The following CTTNBP2 variants were observed in gnomAD, a reference collection of about 807,000 sequenced individuals.
CTTNBP2 encodes the protein cortactin binding protein 2, also known as cortactin-binding protein 2.
Under a neutral mutation model 156.9 loss-of-function variants are expected in CTTNBP2, and 108 were observed. The observed-to-expected ratio is 0.69, with a 90% confidence interval of 0.59 to 0.81. The LOEUF is 0.81. CTTNBP2 is among the 30% of genes least tolerant of loss of function. The pLI is 0.00. For missense variants in CTTNBP2, 1,924 were observed against 2,035.4 expected (o/e 0.95, Z 1.05); for synonymous variants, 767 against 751.8 (o/e 1.02, Z -0.33).
rs1563077977 is a variant in CTTNBP2 at position 117,864,800 on chromosome 7, T to TATATTCATATATATTCATTCTAC, written c.82-3485_82-3484insGTAGAATGAATATATATGAATAT. 4.5e-4 allele frequency among the ~76,000 whole-genome samples: 64 copies of TATATTCATATATATTCATTCTAC among 141,748 alleles called. 9 individuals carry two copies. The highest frequency in any genetic ancestry group is 1.7e-3 in the African/African-American group (63 of 37,694). The allele number at this position is 141,748 out of a possible 152,430, so 93.0% of individuals were successfully genotyped here. On this transcript the variant is annotated intron_variant, in intron 1 of 22. Transcript: ENST00000160373. ...TATATATTCATATATATTCATTCTA[T>TATATTCATATATATTCATTCTAC]ATTCATATATATTCATTCAATATAT...
At chr7:117,776,022 G>A (rs1247549207) in intron 8 of CTTNBP2, among the ~76,000 whole-genome samples, 1 of 152,142 alleles carries the variant, frequency 6.6e-6, no homozygotes, top group African/African-American at 2.4e-5. Flanking sequence ...CACGATAACA[G>A]GAAGTTACCC....
chr7:117,820,210 T>C (rs1434911804), intron 2 of CTTNBP2, among the ~76,000 whole-genome samples: 1 of 152,174 alleles, frequency 6.6e-6, no homozygotes, highest in African/African-American at 2.4e-5. Flanking sequence ...GTAGATACTA[T>C]TAAATTATCA....
intron 2 of CTTNBP2, among the ~76,000 whole-genome samples, chr7:117,817,369 T>A (rs138857420): frequency 0.024 from 2,443 of 102,272 alleles, 394 homozygotes; most frequent in African/African-American, 0.078. Flanking sequence ...AAAATATATA[T>A]ATATATATAT....
intron 2 of CTTNBP2, among the ~76,000 whole-genome samples, chr7:117,819,210 A>T (rs1002824637): frequency 1.3e-5 from 2 of 152,172 alleles, no homozygotes; most frequent in Admixed American, 1.3e-4. Context: ...CTCTTTTAAG[A>T]AGGAAGGGGG....
rs34880551 is a variant in CTTNBP2 at position 117,808,934 on chromosome 7, T to C, written c.414+1831A>G. ...AAATTATAACTCTTCGCATACACTA[T>C]AATCTACTAAAATATAATATTTTTT... On this transcript the variant is annotated intron_variant, in intron 3 of 22. Coordinates refer to ENST00000160373, the MANE Select transcript of CTTNBP2 (RefSeq NM_033427.3). 3.2e-4 allele frequency among the ~76,000 whole-genome samples: 48 copies of C among 152,306 alleles called. 1 individual carries two copies. The highest frequency in any genetic ancestry group is 1.1e-3 in the African/African-American group (44 of 41,560).
rs749417153 is a variant in CTTNBP2 at position 117,718,011 on chromosome 7, C to T, written c.4746+7G>A. 5 of 1,551,116 alleles carry T rather than the reference C, an allele frequency of 3.2e-6. No individual in the cohort carries two copies. Among genetic ancestry groups the T allele is most frequent in the East Asian group, 2.2e-5 (1 of 44,558 alleles). On this transcript the variant is annotated splice_region_variant and intron_variant, in intron 22 of 22. Coordinates refer to ENST00000160373, the MANE Select transcript of CTTNBP2 (RefSeq NM_033427.3). Reference sequence around the variant, plus strand: ...TTTGTTCACTTTGGGGAGAAAGGGACACTTACCTTTTGTGACACTGGCATT... The same window carrying T: ...TTTGTTCACTTTGGGGAGAAAGGGATACTTACCTTTTGTGACACTGGCATT...
intron 3 of CTTNBP2, among the ~76,000 whole-genome samples, chr7:117,800,797 G>A (rs1466081390): frequency 1.3e-5 from 2 of 152,108 alleles, no homozygotes; most frequent in East Asian, 3.8e-4. Flanking sequence ...ATATAGCTAT[G>A]TTTTGTGTAC....
chr7:117,843,846 A>C (rs1290356900), intron 2 of CTTNBP2, among the ~76,000 whole-genome samples: 3 of 152,346 alleles, frequency 2.0e-5, no homozygotes, highest in South Asian at 4.1e-4. Flanking sequence ...TGGCCCCCAA[A>C]GATGTCCACA....
chr7:117,793,946 A>C (rs1799175622), intron 3 of CTTNBP2, among the ~76,000 whole-genome samples: 1 of 152,132 alleles, frequency 6.6e-6, no homozygotes, highest in Non-Finnish European at 1.5e-5. Context: ...GTGGGAAATA[A>C]CAGTTGATAA....
rs1033663814 is a variant in CTTNBP2 at position 117,827,238 on chromosome 7, C to T, written c.190-16249G>A. Among the ~76,000 whole-genome samples, 7 of 152,296 alleles carry T rather than the reference C, an allele frequency of 4.6e-5. No homozygotes were observed. The South Asian group carries it at 1.4e-3, about 32-fold the overall frequency. On this transcript the variant is annotated intron_variant, in intron 2 of 22. Coordinates refer to ENST00000160373, the MANE Select transcript of CTTNBP2 (RefSeq NM_033427.3). ...GTTTGATATTGTCCAAAGAAGCAAT[C>T]ATCATGTTGTGGGAGATGAATATCA...
At position 117,719,781 on chromosome 7, in the gene CTTNBP2, A is replaced by T. The variant is rs939147250; in HGVS notation, c.4512-145T>A. 40 of 565,090 alleles carry T rather than the reference A, an allele frequency of 7.1e-5. No homozygotes were observed. In the East Asian group the frequency reaches 1.3e-3, roughly 18 times the overall value. 35.0% of individuals were successfully genotyped at this position (565,090 alleles called of 1,614,324 possible). On this transcript the variant is annotated intron_variant, in intron 20 of 22. Coordinates refer to ENST00000160373, the MANE Select transcript of CTTNBP2 (RefSeq NM_033427.3). ...TAAAGTATTTCATAAATGTCATTTA[A>T]TGCAAGAAATTTCCACAGGATTTTG...
At chr7:117,719,028 C>T (rs1794626143) in intron 21 of CTTNBP2, among the ~76,000 whole-genome samples, 1 of 152,024 alleles carries the variant, frequency 6.6e-6, no homozygotes, top group Admixed American at 6.6e-5. Flanking sequence ...GAAACCCTGT[C>T]TCTACTAAAA....
At chr7:117,805,740 A>G (rs1430622910) in intron 3 of CTTNBP2, among the ~76,000 whole-genome samples, 1 of 152,176 alleles carries the variant, frequency 6.6e-6, no homozygotes, top group Non-Finnish European at 1.5e-5. Context: ...CAGATTTTTA[A>G]AAAAATTGTT....
intron 4 of CTTNBP2, 23 bp downstream of exon 4, chr7:117,791,105 G>C (rs138498790): frequency 4.4e-6 from 7 of 1,580,274 alleles, no homozygotes; most frequent in Non-Finnish European, 6.1e-6. Flanking sequence ...TTTAAAAAGC[G>C]TATAACATTT....
At chr7:117,871,844 T>TCA (rs71150640) in intron 1 of CTTNBP2, 12,745 of 307,376 alleles carry the variant, frequency 0.041, 187 homozygotes, top group East Asian at 0.056. Flanking sequence ...TCCTTCCCCT[T>TCA]CACACACACA....
At chr7:117,783,000 T>A in intron 5 of CTTNBP2, 39 bp from the exon 6 acceptor site, 1 of 1,515,276 alleles carries the variant, frequency 6.6e-7, no homozygotes, top group Admixed American at 1.7e-5. Context: ...ATTCCCCATT[T>A]GGAGTTATGA....
chr7:117,799,319 T>C (rs1799486662), intron 3 of CTTNBP2, among the ~76,000 whole-genome samples: 1 of 151,968 alleles, frequency 6.6e-6, no homozygotes, highest in African/African-American at 2.4e-5. Context: ...AAGGTGACCA[T>C]GTGAGATTTA....
intron 19 of CTTNBP2, among the ~76,000 whole-genome samples, chr7:117,723,688 C>G (rs767805735): frequency 1.3e-5 from 2 of 151,698 alleles, no homozygotes; most frequent in African/African-American, 4.8e-5. Context: ...ATATTTTTCA[C>G]TTGATGTCCC....
intron 8 of CTTNBP2, among the ~76,000 whole-genome samples, chr7:117,773,511 A>G (rs1203254335): frequency 6.6e-6 from 1 of 152,140 alleles, no homozygotes; most frequent in East Asian, 1.9e-4. Context: ...CTGGAGGACA[A>G]GTAAAAAGGC....
Sources: gnomAD v4.1 joint callset for allele counts (sites outside exome capture counted in the v4.1 genomes callset) on GRCh38, gnomAD v4.1.1 for gene constraint, MANE v1.5 for transcripts, NCBI Gene and HGNC (gene_info 2026-07-23, HGNC 2026-07-21) for gene names.